The following ACO1 variants were observed in gnomAD, a reference collection of about 807,000 sequenced individuals.
ACO1 encodes aconitase 1.
Under a neutral mutation model 105.1 loss-of-function variants are expected in ACO1, and 78 were observed. The ratio of observed to expected loss-of-function variants is 0.74; its 90% confidence interval spans 0.62 to 0.90. The LOEUF (loss-of-function observed/expected upper bound fraction) is 0.90. Ranked by LOEUF, ACO1 falls within the 40% of genes least tolerant of loss-of-function variation. The pLI, the probability that ACO1 is intolerant of heterozygous loss-of-function variation, is 0.00. For missense variants in ACO1, 965 were observed against 1,111.1 expected (o/e 0.87, Z 1.87); for synonymous variants, 364 against 397.4 (o/e 0.92, Z 1.00).
intron 1 of ACO1, among the ~76,000 whole-genome samples, chr9:32,402,657 A>G (rs1358156599): frequency 6.6e-6 from 1 of 152,062 alleles, no homozygotes; most frequent in African/African-American, 2.4e-5. Context: ...AGGGAAAGGT[A>G]GGCTTAGGAG....
intron 1 of ACO1, among the ~76,000 whole-genome samples, chr9:32,396,594 A>T (rs929191699): frequency 1.3e-5 from 2 of 152,178 alleles, no homozygotes; most frequent in Non-Finnish European, 2.9e-5. Context: ...GTGGCTGAAC[A>T]TCAGTGAGGC....
chr9:32,403,560 G>A (rs1049125607), intron 1 of ACO1, among the ~76,000 whole-genome samples: 2 of 152,216 alleles, frequency 1.3e-5, no homozygotes, highest in African/African-American at 2.4e-5. Flanking sequence ...GAGGCTTCTT[G>A]TGTTATGCCC....
chr9:32,410,912 T>G (rs1228763797), intron 4 of ACO1, among the ~76,000 whole-genome samples: 1 of 152,162 alleles, frequency 6.6e-6, no homozygotes, highest in Non-Finnish European at 1.5e-5. Context: ...GGTTGGGAGC[T>G]TACACTGAAC....
At chr9:32,449,126 C>T in intron 20 of ACO1, 45 bp downstream of exon 20, 2 of 1,530,762 alleles carry the variant, frequency 1.3e-6, no homozygotes, top group Non-Finnish European at 1.8e-6. Context: ...AAAGGGGCCC[C>T]CTCGTTTGTA....
chr9:32,438,953 A>G (rs552653930), intron 18 of ACO1, among the ~76,000 whole-genome samples: 129 of 152,394 alleles, frequency 8.5e-4, no homozygotes, highest in African/African-American at 3.0e-3. Context: ...AGAGATACAC[A>G]GGCACAGTAA....
In ACO1 at chr9:32,448,808, T is replaced by A. The variant is rs1245197310; in HGVS notation, c.2371-88T>A. ...TGGAGCTGTTCCTATTCGGCCATCA[T>A]GCCAGCTCTCTCACAAAGTCTTTTG... On this transcript the variant is annotated intron_variant, in intron 19 of 20. Transcript: ENST00000309951. 5.6e-6 allele frequency: 8 copies of A among 1,437,318 alleles called. No homozygotes were observed. The Admixed American group carries it at 1.3e-4, about 24-fold the overall frequency. 89.0% of individuals were successfully genotyped at this position (1,437,318 alleles called of 1,614,324 possible). A position where few individuals can be genotyped will look rare whatever the true frequency, so the allele number is the denominator to read the frequency against.
At chr9:32,415,411 G>T (rs1413476706) in intron 4 of ACO1, among the ~76,000 whole-genome samples, 1 of 152,154 alleles carries the variant, frequency 6.6e-6, no homozygotes, top group Non-Finnish European at 1.5e-5. Flanking sequence ...GGTGGGAAAA[G>T]AGCTCATTAG....
intron 14 of ACO1, 60 bp from the exon 15 acceptor site, chr9:32,431,659 G>A (rs1822238930): frequency 1.9e-6 from 3 of 1,591,656 alleles, no homozygotes; most frequent in Non-Finnish European, 1.7e-6. Flanking sequence ...GCTTGACTCT[G>A]TATAATCATG....
chr9:32,406,720 C>G (rs1252677603), intron 2 of ACO1, among the ~76,000 whole-genome samples: 1 of 152,230 alleles, frequency 6.6e-6, no homozygotes, highest in African/African-American at 2.4e-5. Context: ...CAGGACAAGA[C>G]AACCATTTAA....
intron 20 of ACO1, 95 bp downstream of exon 20, chr9:32,449,176 C>CA: frequency 2.5e-6 from 3 of 1,200,432 alleles, no homozygotes; most frequent in Non-Finnish European, 3.4e-6. Flanking sequence ...GTTTAGAAGG[C>CA]AAAAAATATC....
At chr9:32,414,467 T>C (rs1369270812) in intron 4 of ACO1, among the ~76,000 whole-genome samples, 2 of 152,246 alleles carry the variant, frequency 1.3e-5, no homozygotes, top group African/African-American at 4.8e-5. Context: ...CTCCATATAA[T>C]AGATGTTTTG....
intron 12 of ACO1, among the ~76,000 whole-genome samples, chr9:32,427,688 G>A (rs536441840): frequency 5.3e-5 from 8 of 152,200 alleles, no homozygotes; most frequent in Non-Finnish European, 1.2e-4. Flanking sequence ...TGAGTGGAGA[G>A]TGAATGTGAA....
chr9:32,395,790 T>C (rs1821361168), intron 1 of ACO1, among the ~76,000 whole-genome samples: 1 of 152,250 alleles, frequency 6.6e-6, no homozygotes, highest in Admixed American at 6.5e-5. Flanking sequence ...ACCAAGACTT[T>C]TTACGAAACT....
intron 4 of ACO1, among the ~76,000 whole-genome samples, chr9:32,417,472 T>G (rs543398781): frequency 6.6e-6 from 1 of 152,348 alleles, no homozygotes; most frequent in East Asian, 1.9e-4. Flanking sequence ...TATTCTACCT[T>G]GACTCAAAAC....
intron 1 of ACO1, among the ~76,000 whole-genome samples, chr9:32,397,248 C>T (rs1821392451): frequency 6.6e-6 from 1 of 152,144 alleles, no homozygotes; most frequent in Admixed American, 6.5e-5. Flanking sequence ...ACTCTTTTCC[C>T]CCCAGTTTCT....
At chr9:32,412,142 T>C (rs1050157139) in intron 4 of ACO1, among the ~76,000 whole-genome samples, 8 of 152,238 alleles carry the variant, frequency 5.3e-5, no homozygotes, top group African/African-American at 1.9e-4. Context: ...CAACAAAAAA[T>C]GCTTTATTAA....
At position 32,452,462 on chromosome 9, in the gene ACO1, C is replaced by G. The variant is rs142602380; in HGVS notation, c.*2351C>G. 6.6e-6 allele frequency: 1 copy of G among 152,440 alleles called. No individual in the cohort carries two copies. Among genetic ancestry groups the G allele is most frequent in the Non-Finnish European group, 1.5e-5 (1 of 68,124 alleles). 9.4% of individuals were successfully genotyped at this position (152,440 alleles called of 1,614,324 possible). ...CCATCCGTGAACCAGAAAGTGGGTT[C>G]TCACCAGATACTGAATCTGCCAGTG... On this transcript the variant is annotated 3_prime_UTR_variant, in exon 21 of 21. Transcript: ENST00000309951.
At chr9:32,387,375 T>C (rs1239159649) in intron 1 of ACO1, among the ~76,000 whole-genome samples, 1 of 152,218 alleles carries the variant, frequency 6.6e-6, no homozygotes, top group African/African-American at 2.4e-5. Flanking sequence ...CAACACATTT[T>C]TTAGATTGAA....
chr9:32,389,400 C>T (rs4297112), intron 1 of ACO1, among the ~76,000 whole-genome samples: 34,121 of 152,090 alleles, frequency 0.22, 4,162 homozygotes, highest in East Asian at 0.46. Flanking sequence ...AGTATGTTTA[C>T]ACCTGGTATG....
Sources: allele counts gnomAD v4.1 joint callset (sites outside exome capture counted in the v4.1 genomes callset), GRCh38; gene constraint gnomAD v4.1.1; transcripts MANE v1.5; gene names NCBI Gene and HGNC (gene_info 2026-07-23, HGNC 2026-07-21).